The following TMTC1 variants were observed in gnomAD, a reference collection of about 807,000 sequenced individuals.
The protein encoded by TMTC1 is transmembrane O-mannosyltransferase targeting cadherins 1, also known as protein O-mannosyl-transferase TMTC1.
TMTC1 carries 73 observed loss-of-function variants against 104.8 expected under a neutral mutation model. That is an observed-to-expected ratio of 0.70 (90% CI 0.58 to 0.85). The LOEUF (loss-of-function observed/expected upper bound fraction) is 0.85, where lower values mean the gene tolerates loss of function less well. Among genes scored for constraint, TMTC1 ranks in the 40% least tolerant of loss-of-function variants. The probability of loss-of-function intolerance (pLI) is 0.00; values close to 1 mark genes in which losing one functional copy is unlikely to be tolerated. For missense variants in TMTC1, 1,035 were observed against 1,096.1 expected (o/e 0.94, Z 0.79); for synonymous variants, 434 against 428.7 (o/e 1.01, Z -0.15).
At position 29,636,360 on chromosome 12, in the gene TMTC1, C is replaced by G. The variant is rs1416324849; in HGVS notation, c.939-3024G>C. 2.6e-5 allele frequency among the ~76,000 whole-genome samples: 4 copies of G among 152,328 alleles called. No homozygotes were observed. In the East Asian group the frequency reaches 7.7e-4, roughly 29 times the overall value. ...CGGCTTGACTATGGAACATCTGGAACTGCTATGCAGAATGTATTATTTAAT... is the reference window on the plus strand; with the variant it reads ...CGGCTTGACTATGGAACATCTGGAAGTGCTATGCAGAATGTATTATTTAAT... On this transcript the variant is annotated intron_variant, in intron 5 of 17. Coordinates refer to ENST00000539277, the MANE Select transcript of TMTC1 (RefSeq NM_001193451.2).
chr12:29,663,797 G>A (rs550448511), intron 5 of TMTC1, among the ~76,000 whole-genome samples: 2 of 151,574 alleles, frequency 1.3e-5, no homozygotes, highest in Non-Finnish European at 2.9e-5. Flanking sequence ...GATTACAGGC[G>A]TGAGCCACCA....
intron 11 of TMTC1, chr12:29,533,393 T>A (rs1944559267): frequency 6.6e-6 from 1 of 152,176 alleles, no homozygotes; most frequent in Admixed American, 6.5e-5. Context: ...ATGCTTATAA[T>A]AAGAGCAAGG....
chr12:29,727,415 T>C (rs1228568788), intron 5 of TMTC1, among the ~76,000 whole-genome samples: 2 of 152,116 alleles, frequency 1.3e-5, no homozygotes, highest in Non-Finnish European at 2.9e-5. Context: ...CTTGCTCTGT[T>C]GCCCAGGCTG....
At chr12:29,530,551 G>C (rs949697072) in intron 11 of TMTC1, among the ~76,000 whole-genome samples, 1 of 152,294 alleles carries the variant, frequency 6.6e-6, no homozygotes, top group Non-Finnish European at 1.5e-5. Context: ...ATGCATGTTT[G>C]CTTACTACGC....
chr12:29,626,932 C>G (rs575774474), intron 6 of TMTC1, among the ~76,000 whole-genome samples: 8 of 152,160 alleles, frequency 5.3e-5, no homozygotes, highest in African/African-American at 1.7e-4. Flanking sequence ...GAAACCACAT[C>G]TCTACTAAAA....
At chr12:29,690,818 A>G (rs1941244281) in intron 5 of TMTC1, among the ~76,000 whole-genome samples, 1 of 152,260 alleles carries the variant, frequency 6.6e-6, no homozygotes, top group South Asian at 2.1e-4. Flanking sequence ...AATTGATTTA[A>G]GAAGAAAACT....
chr12:29,534,947 A>G (rs1050433639), intron 11 of TMTC1: 2 of 152,210 alleles, frequency 1.3e-5, no homozygotes, highest in Admixed American at 1.3e-4. Context: ...CCTCTCTGAT[A>G]TAGTAACATT....
At position 29,506,643 on chromosome 12, in the gene TMTC1, T is replaced by C. The variant is rs1943699701; in HGVS notation, c.*203A>G. 4 of 592,542 alleles carry C rather than the reference T, an allele frequency of 6.8e-6. No homozygotes were observed. The highest frequency in any genetic ancestry group is 8.9e-6 in the Non-Finnish European group (3 of 336,138). The allele number at this position is 592,542 out of a possible 1,614,324, so 36.7% of individuals were successfully genotyped here. On this transcript the variant is annotated 3_prime_UTR_variant, in exon 18 of 18. Transcript: ENST00000539277. ...CCTTCCCTCTCAGACCTTCTTGCCC[T>C]TGTTTGCTGTTTTCGTCTTCTTCAT...
intron 5 of TMTC1, among the ~76,000 whole-genome samples, chr12:29,707,772 C>T (rs1217126927): frequency 6.6e-6 from 1 of 152,204 alleles, no homozygotes; most frequent in Non-Finnish European, 1.5e-5. Context: ...ATGAACCACC[C>T]TTCCTTGTCT....
At chr12:29,610,812 G>C (rs1946826586) in intron 6 of TMTC1, among the ~76,000 whole-genome samples, 1 of 152,166 alleles carries the variant, frequency 6.6e-6, no homozygotes, top group South Asian at 2.1e-4. Flanking sequence ...CACTGAGTTG[G>C]GACAGAAAAT....
chr12:29,565,042 A>G (rs924244574), intron 9 of TMTC1, among the ~76,000 whole-genome samples: 6 of 152,180 alleles, frequency 3.9e-5, no homozygotes, highest in Non-Finnish European at 5.9e-5. Flanking sequence ...CAGGATGTGT[A>G]TATTTACATT....
Position 29,678,819 on chromosome 12 carries a change from G to A in TMTC1, c.939-45483C>T, listed in dbSNP as rs921538336. On this transcript the variant is annotated intron_variant, in intron 5 of 17. Transcript: ENST00000539277. The stretch of plus-strand genomic sequence containing the variant: ...ACACTACATTAAAAAAACTATAACA[G>A]AACACAATGTGAATATGGCTACCAT... 6.6e-5 allele frequency among the ~76,000 whole-genome samples: 10 copies of A among 151,906 alleles called. No homozygotes were observed. The South Asian group carries it at 1.7e-3, about 25-fold the overall frequency.
rs904998450 is a variant in TMTC1 at position 29,663,983 on chromosome 12, C to T, written c.939-30647G>A. Among the ~76,000 whole-genome samples, 13 of 151,820 alleles carry T rather than the reference C, an allele frequency of 8.6e-5. No homozygotes were observed. The East Asian group carries it at 1.6e-3, about 18-fold the overall frequency. ...GCGGCGGATCACGAGGTCAGGAGAT[C>T]GAGACCATCCCGGCTAAAACGGTGA... On this transcript the variant is annotated intron_variant, in intron 5 of 17. Transcript: ENST00000539277.
intron 10 of TMTC1, among the ~76,000 whole-genome samples, chr12:29,550,528 G>C (rs554488528): frequency 6.8e-4 from 104 of 152,222 alleles, no homozygotes; most frequent in African/African-American, 2.4e-3. Context: ...GCGGGAATGA[G>C]AGAGTGGGGA....
intron 11 of TMTC1, among the ~76,000 whole-genome samples, chr12:29,523,570 C>T (rs1042475689): frequency 3.3e-5 from 5 of 152,190 alleles, no homozygotes; most frequent in Non-Finnish European, 7.3e-5. Context: ...CTACATTTAA[C>T]AATGCTCCCC....
intron 5 of TMTC1, among the ~76,000 whole-genome samples, chr12:29,688,398 T>C (rs1941162305): frequency 6.6e-6 from 1 of 152,222 alleles, no homozygotes; most frequent in Admixed American, 6.5e-5. Context: ...ACCAAGTAAT[T>C]TGGATCCTAT....
intron 5 of TMTC1, among the ~76,000 whole-genome samples, chr12:29,664,706 GGAGAAC>G (rs1940206773): frequency 6.6e-6 from 1 of 152,128 alleles, no homozygotes; most frequent in African/African-American, 2.4e-5. Context: ...TTCTAAAGGA[GGAGAAC>G]ATAAAACTGG....
chr12:29,604,755 G>A (rs1269069389), intron 6 of TMTC1, among the ~76,000 whole-genome samples: 1 of 152,146 alleles, frequency 6.6e-6, no homozygotes, highest in Admixed American at 6.5e-5. Context: ...TTCACCAGGA[G>A]AAGCAAAGTT....
chr12:29,728,097 G>A (rs1046164918), intron 5 of TMTC1, among the ~76,000 whole-genome samples: 6 of 152,280 alleles, frequency 3.9e-5, no homozygotes, highest in African/African-American at 9.6e-5. Context: ...AACTTTTGGC[G>A]GAGATTACAG....
Sources: allele counts gnomAD v4.1 joint callset (sites outside exome capture counted in the v4.1 genomes callset), GRCh38; gene constraint gnomAD v4.1.1; transcripts MANE v1.5; gene names NCBI Gene and HGNC (gene_info 2026-07-23, HGNC 2026-07-21).